Variants in PIGU observed in about 807,000 individuals in gnomAD.
PIGU encodes the protein GPI-anchor transamidase component PIGU.
PIGU carries 24 observed loss-of-function variants against 49.9 expected under a neutral mutation model. The ratio of observed to expected loss-of-function variants is 0.48; its 90% CI spans 0.35 to 0.68. The LOEUF (loss-of-function observed/expected upper bound fraction) is 0.68, where lower values mean the gene tolerates loss of function less well. Ranked by LOEUF, PIGU falls within the 30% of genes least tolerant of loss-of-function variation. PIGU has a pLI of 0.01. For synonymous variants in PIGU, 220 were observed against 205.7 expected (o/e 1.07, Z -0.59); for missense variants, 490 against 532.6 (o/e 0.92, Z 0.79).
At chr20:34,613,295 C>T (rs1351777490) in intron 7 of PIGU, among the ~76,000 whole-genome samples, 1 of 152,204 alleles carries the variant, frequency 6.6e-6, no homozygotes, top group African/African-American at 2.4e-5. Flanking sequence ...CACTCACCTG[C>T]TCAGCATCCT....
At chr20:34,633,718 C>A (rs1299876129) in intron 6 of PIGU, among the ~76,000 whole-genome samples, 2 of 152,034 alleles carry the variant, frequency 1.3e-5, no homozygotes, top group African/African-American at 2.4e-5. Context: ...CAGGTGCACA[C>A]CACCACACCC....
chr20:34,587,556 A>G (rs1983748182), intron 8 of PIGU, among the ~76,000 whole-genome samples: 1 of 152,188 alleles, frequency 6.6e-6, no homozygotes, highest in Non-Finnish European at 1.5e-5. Context: ...ATTATTAACT[A>G]TATTCACCAC....
At chr20:34,588,220 C>G (rs1418809047) in intron 8 of PIGU, among the ~76,000 whole-genome samples, 1 of 151,736 alleles carries the variant, frequency 6.6e-6, no homozygotes, top group Admixed American at 6.6e-5. Flanking sequence ...CCACTGCACT[C>G]CAGACTGGGC....
chr20:34,567,242 G>T (rs1982811657), intron 11 of PIGU, among the ~76,000 whole-genome samples: 3 of 152,240 alleles, frequency 2.0e-5, no homozygotes, highest in African/African-American at 7.2e-5. Flanking sequence ...ACAGCACTTT[G>T]GCGTAACCTG....
chr20:34,599,443 C>T (rs1193744366), intron 7 of PIGU, among the ~76,000 whole-genome samples: 6 of 151,938 alleles, frequency 3.9e-5, no homozygotes. Flanking sequence ...ACAGAGACCC[C>T]CGTCTCAAAA....
In PIGU at chr20:34,616,409, G is replaced by A. The variant is rs1008810305; in HGVS notation, c.530-270C>T. On this transcript the variant is annotated intron_variant, in intron 6 of 11. Coordinates refer to ENST00000217446, the MANE Select transcript of PIGU (RefSeq NM_080476.5). ...CTTATAAAATTTTGAGACCCAGAACGATTTTACAAAATTTCAACCCGAAGA... is the reference window on the plus strand; with the variant it reads ...CTTATAAAATTTTGAGACCCAGAACAATTTTACAAAATTTCAACCCGAAGA... Among the ~76,000 whole-genome samples, 4 of 152,076 alleles carry A rather than the reference G, an allele frequency of 2.6e-5. No homozygotes were observed. The East Asian group carries it at 5.8e-4, about 22-fold the overall frequency.
At chr20:34,638,247 A>G (rs1330689393) in intron 4 of PIGU, among the ~76,000 whole-genome samples, 5 of 152,138 alleles carry the variant, frequency 3.3e-5, no homozygotes, top group Admixed American at 2.6e-4. Context: ...GTTAACTCCC[A>G]CATGGTCCTT....
chr20:34,620,042 TC>T, intron 6 of PIGU, among the ~76,000 whole-genome samples: 1 of 152,048 alleles, frequency 6.6e-6, no homozygotes, highest in Non-Finnish European at 1.5e-5. Context: ...TCCTTAGCGG[TC>T]TCCCAACCAC....
Position 34,620,799 on chromosome 20 carries a change from T to TA in PIGU, c.530-4661dup, listed in dbSNP as rs1287373335. 1.2e-3 allele frequency among the ~76,000 whole-genome samples: 64 copies of TA among 55,290 alleles called. 3 individuals are homozygous for TA. In the South Asian group the frequency reaches 0.017, roughly 15 times the overall value. 36.3% of individuals were successfully genotyped at this position (55,290 alleles called of 152,430 possible). A position where few individuals can be genotyped will look rare whatever the true frequency, so the allele number is the denominator to read the frequency against. On this transcript the variant is annotated intron_variant, in intron 6 of 11. Coordinates refer to ENST00000217446, the MANE Select transcript of PIGU (RefSeq NM_080476.5). Reference sequence around the variant, plus strand: ...GCACGCGACACAGCAAGACTCCACCTAAAAAAAAACAAAAAAAAAACAAAA... The same window carrying TA: ...GCACGCGACACAGCAAGACTCCACCTAAAAAAAAAACAAAAAAAAAACAAAA...
intron 6 of PIGU, among the ~76,000 whole-genome samples, chr20:34,618,938 G>A (rs1600633534): frequency 6.6e-6 from 1 of 152,160 alleles, no homozygotes; most frequent in Non-Finnish European, 1.5e-5. Context: ...CCACCAAAGT[G>A]GTCTGTATAC....
intron 4 of PIGU, among the ~76,000 whole-genome samples, chr20:34,642,818 C>A (rs1174071904): frequency 7.3e-6 from 1 of 137,270 alleles, no homozygotes; most frequent in East Asian, 2.1e-4. Flanking sequence ...AGTACAGTGG[C>A]GCGATCTTGG....
chr20:34,667,061 C>T (rs1987127798), intron 1 of PIGU, among the ~76,000 whole-genome samples: 1 of 151,874 alleles, frequency 6.6e-6, no homozygotes, highest in Admixed American at 6.6e-5. Context: ...AGGCTGGTCT[C>T]AAACTCCCGG....
At chr20:34,659,594 T>C (rs1005540700) in intron 1 of PIGU, among the ~76,000 whole-genome samples, 13 of 151,814 alleles carry the variant, frequency 8.6e-5, no homozygotes, top group African/African-American at 2.7e-4. Context: ...ACAATGGCGG[T>C]TTTGTGGAAT....
At chr20:34,619,906 C>T (rs1985142318) in intron 6 of PIGU, among the ~76,000 whole-genome samples, 1 of 152,136 alleles carries the variant, frequency 6.6e-6, no homozygotes, top group Non-Finnish European at 1.5e-5. Context: ...ACCCTGGCAA[C>T]CCTTCACCCT....
chr20:34,637,496 G>A lies in PIGU; in HGVS notation c.428+380C>T, dbSNP rs76151602. 5.8e-4 allele frequency among the ~76,000 whole-genome samples: 89 copies of A among 152,270 alleles called. 1 individual carries two copies. In the East Asian group the frequency reaches 0.016, roughly 28 times the overall value. ...TAAGCTACAAATGGAGGACTATACTGTACACGAAACATAAGAGCTGCTTGA... is the reference window on the plus strand; with the variant it reads ...TAAGCTACAAATGGAGGACTATACTATACACGAAACATAAGAGCTGCTTGA... On this transcript the variant is annotated intron_variant, in intron 5 of 11. Transcript: ENST00000217446.
chr20:34,651,913 G>A (rs545950232), intron 2 of PIGU, among the ~76,000 whole-genome samples: 2 of 151,982 alleles, frequency 1.3e-5, no homozygotes, highest in African/African-American at 4.8e-5. Context: ...AGACCATCCC[G>A]GGCAACAAAG....
chr20:34,568,240 G>A lies in PIGU; in HGVS notation c.1194+6864C>T, dbSNP rs964052283. ...CCTTTGTCCTGCTGTATGTAGCCTG[G>A]GCTCTTCCTGTCACTCTGGTTGTTG... is the stretch of plus-strand genomic sequence containing the variant. On this transcript the variant is annotated intron_variant, in intron 11 of 11. Coordinates refer to ENST00000217446, the MANE Select transcript of PIGU (RefSeq NM_080476.5). Among the ~76,000 whole-genome samples the A allele has an allele frequency of 1.8e-4, 28 of 152,272 alleles. 1 individual carries two copies. Among genetic ancestry groups the A allele is most frequent in the African/African-American group, 6.5e-4 (27 of 41,576 alleles).
At chr20:34,651,307 A>G (rs1278518677) in intron 2 of PIGU, among the ~76,000 whole-genome samples, 2 of 152,184 alleles carry the variant, frequency 1.3e-5, no homozygotes, top group East Asian at 3.8e-4. Flanking sequence ...GTATTTCCCC[A>G]GCACCCTGAG....
At chr20:34,669,324 T>C (rs1363969894) in intron 1 of PIGU, among the ~76,000 whole-genome samples, 1 of 152,178 alleles carries the variant, frequency 6.6e-6, no homozygotes, top group Non-Finnish European at 1.5e-5. Flanking sequence ...CAGATCTCTC[T>C]GCAATATTTT....
Sources: gnomAD v4.1 joint callset for allele counts (sites outside exome capture counted in the v4.1 genomes callset) on GRCh38, gnomAD v4.1.1 for gene constraint, MANE v1.5 for transcripts, NCBI Gene and HGNC (gene_info 2026-07-23, HGNC 2026-07-21) for gene names.